The following MEOX2 variants were observed in gnomAD, a reference collection of about 807,000 sequenced individuals.
MEOX2 encodes the protein mesenchyme homeobox 2.
In MEOX2, 11 loss-of-function variants were observed where a neutral mutation model predicts 27.0. The observed-to-expected ratio is 0.41, with a 90% CI of 0.26 to 0.68. The LOEUF (loss-of-function observed/expected upper bound fraction) is 0.68. Among genes scored for constraint, MEOX2 ranks in the 30% least tolerant of loss-of-function variants. The pLI, the probability that MEOX2 is intolerant of heterozygous loss-of-function variation, is 0.33. For synonymous variants in MEOX2, 189 were observed against 155.4 expected, an observed-to-expected ratio of 1.22 and a Z score of -1.61; for missense variants, 436 against 385.4, an observed-to-expected ratio of 1.13 and a Z score of -1.10.
chr7:15,682,890 C>T (rs1782315258), intron 1 of MEOX2, among the ~76,000 whole-genome samples: 1 of 151,798 alleles, frequency 6.6e-6, no homozygotes, highest in African/African-American at 2.4e-5. Flanking sequence ...GTAGCAGGTT[C>T]AAAGTTACAA....
chr7:15,677,344 A>G (rs1318199452), intron 1 of MEOX2: 1 of 152,238 alleles, frequency 6.6e-6, no homozygotes, highest in East Asian at 1.9e-4. Flanking sequence ...ACGATGGTAG[A>G]GAAAAGTTAA....
intron 1 of MEOX2, among the ~76,000 whole-genome samples, chr7:15,629,723 G>T (rs1238579890): frequency 1.3e-5 from 2 of 151,970 alleles, no homozygotes; most frequent in Admixed American, 6.6e-5. Flanking sequence ...TCTTGGAATT[G>T]CATTTCTGGA....
chr7:15,667,570 T>G (rs1782029615), intron 1 of MEOX2, among the ~76,000 whole-genome samples: 1 of 152,042 alleles, frequency 6.6e-6, no homozygotes, highest in Admixed American at 6.6e-5. Flanking sequence ...ACAAGTTTAT[T>G]AATTATGATG....
intron 2 of MEOX2, among the ~76,000 whole-genome samples, chr7:15,614,978 A>G (rs1781099453): frequency 6.6e-6 from 1 of 152,146 alleles, no homozygotes; most frequent in South Asian, 2.1e-4. Context: ...TTAGAGCCAT[A>G]GTTGAAATCA....
chr7:15,683,721 C>T (rs1262787014), intron 1 of MEOX2, among the ~76,000 whole-genome samples: 1 of 152,072 alleles, frequency 6.6e-6, no homozygotes, highest in Non-Finnish European at 1.5e-5. Context: ...TAGATTTAAA[C>T]AGAAACTATT....
At chr7:15,668,051 G>C (rs536677331) in intron 1 of MEOX2, 27 of 152,230 alleles carry the variant, frequency 1.8e-4, no homozygotes, top group Admixed American at 3.9e-4. Context: ...GAGTTTTCAA[G>C]GTAAAGCCAA....
intron 2 of MEOX2, among the ~76,000 whole-genome samples, chr7:15,619,950 G>A (rs1183101997): frequency 2.0e-5 from 3 of 151,916 alleles, no homozygotes; most frequent in South Asian, 2.1e-4. Flanking sequence ...CTTTATTATT[G>A]ATCTTAAGTT....
chr7:15,656,983 C>A (rs1292319994), intron 1 of MEOX2, among the ~76,000 whole-genome samples: 1 of 152,012 alleles, frequency 6.6e-6, no homozygotes, highest in African/African-American at 2.4e-5. Flanking sequence ...GTTGACTGTT[C>A]TTTTCTTTCT....
chr7:15,636,718 A>T (rs1454543048), intron 1 of MEOX2, among the ~76,000 whole-genome samples: 1 of 152,098 alleles, frequency 6.6e-6, no homozygotes, highest in Non-Finnish European at 1.5e-5. Flanking sequence ...CTGCTATAAC[A>T]GAATACCTGA....
chr7:15,666,807 T>TATATATA (rs1491530316), intron 1 of MEOX2, among the ~76,000 whole-genome samples: 4 of 124,388 alleles, frequency 3.2e-5, no homozygotes, highest in African/African-American at 1.3e-4. Flanking sequence ...TATATATATA[T>TATATATA]TCAAATGGTA....
intron 1 of MEOX2, among the ~76,000 whole-genome samples, chr7:15,673,816 T>C (rs1782149908): frequency 6.6e-6 from 1 of 152,154 alleles, no homozygotes; most frequent in Non-Finnish European, 1.5e-5. Flanking sequence ...TGGAAAATCC[T>C]GTAGAAAACT....
intron 1 of MEOX2, chr7:15,678,922 G>T (rs752099203): frequency 6.6e-6 from 1 of 152,090 alleles, no homozygotes; most frequent in South Asian, 2.1e-4. Context: ...AGCATTATGG[G>T]ATTCTCTTGA....
chr7:15,638,090 T>C (rs1370152462), intron 1 of MEOX2, among the ~76,000 whole-genome samples: 3 of 152,124 alleles, frequency 2.0e-5, no homozygotes, highest in Admixed American at 2.0e-4. Flanking sequence ...ATTTCATTTT[T>C]AGTGATCTTG....
At chr7:15,663,766 A>G (rs570496450) in intron 1 of MEOX2, among the ~76,000 whole-genome samples, 404 of 152,332 alleles carry the variant, frequency 2.7e-3, no homozygotes, top group Non-Finnish European at 4.9e-3. Flanking sequence ...CAGGCATTTA[A>G]AGAGAGAGAT....
chr7:15,623,934 A>G (rs977575210), intron 2 of MEOX2, among the ~76,000 whole-genome samples: 1 of 152,250 alleles, frequency 6.6e-6, no homozygotes, highest in Non-Finnish European at 1.5e-5. Flanking sequence ...TATTTGTGTT[A>G]CAAAATGATT....
At chr7:15,645,612 G>T (rs1034215581) in intron 1 of MEOX2, among the ~76,000 whole-genome samples, 1 of 152,002 alleles carries the variant, frequency 6.6e-6, no homozygotes, top group Non-Finnish European at 1.5e-5. Flanking sequence ...GTAAAGAATT[G>T]GTTGGTAAAA....
intron 1 of MEOX2, among the ~76,000 whole-genome samples, chr7:15,660,957 G>A (rs1053976267): frequency 4.6e-5 from 6 of 130,164 alleles, no homozygotes; most frequent in African/African-American, 1.7e-4. Flanking sequence ...ATGTTGCAGT[G>A]AGCCGAGATC....
At position 15,633,312 on chromosome 7, in the gene MEOX2, C is replaced by G. The variant is rs148976242; in HGVS notation, c.518-6394G>C. On this transcript the variant is annotated intron_variant, in intron 1 of 2. Transcript: ENST00000262041. ...TTCACCTCCTACTCAGCTCTTATGT[C>G]AGCAAATGGCCTGGAATTACATGGT... Among the ~76,000 whole-genome samples, 236 of 152,012 alleles carry G rather than the reference C, an allele frequency of 1.6e-3. 1 individual carries two copies. Among genetic ancestry groups the G allele is most frequent in the African/African-American group, 4.9e-3 (203 of 41,520 alleles).
chr7:15,635,446 T>C (rs954539565), intron 1 of MEOX2, among the ~76,000 whole-genome samples: 2 of 152,004 alleles, frequency 1.3e-5, no homozygotes, highest in Admixed American at 6.6e-5. Flanking sequence ...TCTCTGCTCC[T>C]TATCTGCTTA....
Sources: allele counts gnomAD v4.1 joint callset (sites outside exome capture counted in the v4.1 genomes callset), GRCh38; gene constraint gnomAD v4.1.1; transcripts MANE v1.5; gene names NCBI Gene and HGNC (gene_info 2026-07-23, HGNC 2026-07-21).